CARD10: variants seen among roughly 807,000 people sequenced by gnomAD.
The protein encoded by CARD10 is caspase recruitment domain family member 10, also known as caspase recruitment domain-containing protein 10.
In CARD10, 49 loss-of-function variants were observed where a neutral mutation model predicts 114.6. The observed-to-expected ratio is 0.43, with a 90% CI of 0.34 to 0.54. The LOEUF is 0.54. Among genes scored for constraint, CARD10 ranks in the 20% least tolerant of loss-of-function variants. CARD10 has a pLI of 0.03. For synonymous variants in CARD10, 602 were observed against 593.2 expected (o/e 1.01, Z -0.21); for missense variants, 1,206 against 1,397.2 (o/e 0.86, Z 2.18).
intron 11 of CARD10, among the ~76,000 whole-genome samples, chr22:37,499,547 C>T (rs1923137592): frequency 6.6e-6 from 1 of 152,004 alleles, no homozygotes; most frequent in Non-Finnish European, 1.5e-5. Flanking sequence ...CACCTCTCCC[C>T]TCTGCAATGC....
Position 37,501,891 on chromosome 22 carries a change from T to G in CARD10, c.1787+711A>C, listed in dbSNP as rs1489898111. On this transcript the variant is annotated intron_variant, in intron 11 of 19. Transcript: ENST00000251973. This position sits in a 1 kb window ranked among gnomAD's most constrained non-coding sequence, Gnocchi z 5.4. ...CTTTCCCAGCCTGACTCAGGAAGCC[T>G]TGACTTTCGCCCTTCCCCCTCGCTC... is the stretch of plus-strand genomic sequence containing the variant. Among the ~76,000 whole-genome samples, 1 of 152,150 alleles carries G rather than the reference T, an allele frequency of 6.6e-6. No homozygotes were observed. Among genetic ancestry groups the G allele is most frequent in the East Asian group, 1.9e-4 (1 of 5,198 alleles).
chr22:37,495,366 G>C (rs1051636367), intron 15 of CARD10, 151 bp downstream of exon 15: 13 of 649,734 alleles, frequency 2.0e-5, no homozygotes, highest in Admixed American at 2.0e-4. Context: ...CTGCTGTTCT[G>C]TTTGCTGGGC....
intron 15 of CARD10, among the ~76,000 whole-genome samples, chr22:37,495,173 A>G (rs111495874): frequency 2.0e-5 from 3 of 152,230 alleles, no homozygotes; most frequent in African/African-American, 4.8e-5. Flanking sequence ...TCACCGTGTT[A>G]GCCAGGATGG....
chr22:37,509,270 C>T, intron 4 of CARD10: 2 of 790,142 alleles, frequency 2.5e-6, no homozygotes, highest in Non-Finnish European at 3.8e-6. Flanking sequence ...TAAGCAAGCC[C>T]TAGGGCCCCC....
intron 4 of CARD10, chr22:37,508,973 A>C: frequency 6.5e-7 from 1 of 1,546,232 alleles, no homozygotes; most frequent in Non-Finnish European, 8.7e-7. Flanking sequence ...CTAAACAAGC[A>C]CCAGGCACAC....
rs1442372017 is a variant in CARD10 at position 37,518,016 on chromosome 22, G to T, written c.328C>A (p.Leu110Met). The change falls in exon 2 of 20, where the codon CTG becomes ATG. Residue 110 changes from leucine (L) to methionine (M), a missense_variant. Physicochemically the swap from Leu to Met is conservative, Grantham distance 15 (BLOSUM62 2). Transcript: ENST00000251973. ...LEFYYPEHFT[L>M]LTGQEPAQRC... ...TGGGCGGGTTCCTGGCCCGTGAGCA[G>T]CGTGAAGTGTTCGGGGTAGTAGAAC... is the stretch of plus-strand genomic sequence containing the variant. The T allele has an allele frequency of 6.2e-7, 1 of 1,613,974 alleles. No homozygotes were observed. Among genetic ancestry groups the T allele is most frequent in the Non-Finnish European group, 8.5e-7 (1 of 1,179,998 alleles).
intron 11 of CARD10, among the ~76,000 whole-genome samples, chr22:37,499,138 T>C (rs991765079): frequency 2.0e-5 from 3 of 152,118 alleles, no homozygotes; most frequent in Non-Finnish European, 4.4e-5. Flanking sequence ...TCCAGGCATG[T>C]GTACCGGGTT....
Position 37,492,884 on chromosome 22 carries a change from G to A in CARD10, c.2477-82C>T, listed in dbSNP as rs1367553970. 34 of 1,423,692 alleles carry A rather than the reference G, an allele frequency of 2.4e-5. No homozygotes were observed. The highest frequency in any genetic ancestry group is 7.0e-5 in the African/African-American group (5 of 70,958). The allele number at this position is 1,423,692 out of a possible 1,614,324, so 88.2% of individuals were successfully genotyped here. A position where few individuals can be genotyped will look rare whatever the true frequency, so the allele number is the denominator to read the frequency against. On this transcript the variant is annotated intron_variant, in intron 16 of 19. Coordinates refer to ENST00000251973, the MANE Select transcript of CARD10 (RefSeq NM_014550.4). This position sits in a 1 kb window ranked among gnomAD's most constrained non-coding sequence, Gnocchi z 5.7. Reference sequence around the variant, plus strand: ...TCGTCGATACCCCAAAACCCACCCCGCCACCCATCCCTTCCTAAGTCCTGC... The same window carrying A: ...TCGTCGATACCCCAAAACCCACCCCACCACCCATCCCTTCCTAAGTCCTGC...
chr22:37,519,262 C>G lies in CARD10; in HGVS notation c.-62G>C. ...GGGGGTCGACCAGGGCTCCCTAGGG[C>G]TAGATGTGCGGCCAAGCACCCCCGG... On this transcript the variant is annotated 5_prime_UTR_variant, in exon 1 of 20. Coordinates refer to ENST00000251973, the MANE Select transcript of CARD10 (RefSeq NM_014550.4). The surrounding 1 kb of genome is among the most constrained non-coding windows in gnomAD (Gnocchi z 4.1). 7.1e-7 allele frequency: 1 copy of G among 1,409,866 alleles called. No individual in the cohort carries two copies. Among genetic ancestry groups the G allele is most frequent in the Non-Finnish European group, 9.2e-7 (1 of 1,085,100 alleles). The allele number at this position is 1,409,866 out of a possible 1,614,324, so 87.3% of individuals were successfully genotyped here. A position where few individuals can be genotyped will look rare whatever the true frequency, so the allele number is the denominator to read the frequency against.
Position 37,496,427 on chromosome 22 carries a change from C to CCGA in CARD10, c.2059+19_2059+21dup. 1 of 1,574,520 alleles carries CCGA rather than the reference C, an allele frequency of 6.4e-7. No individual in the cohort carries two copies. Among genetic ancestry groups the CCGA allele is most frequent in the Non-Finnish European group, 8.7e-7 (1 of 1,145,822 alleles). On this transcript the variant is annotated intron_variant, in intron 13 of 19. Transcript: ENST00000251973. The surrounding 1 kb of genome is among the most constrained non-coding windows in gnomAD (Gnocchi z 4.1). Reference sequence around the variant, plus strand: ...GAGGACCCCTCTGGGGCCAACAGCTCCGACTCCCAAGCCAGACTTACCCTT... The same window carrying CCGA: ...GAGGACCCCTCTGGGGCCAACAGCTCCGACGACTCCCAAGCCAGACTTACCCTT...
rs1045199006 is a variant in CARD10, at chr22:37,519,285, C to A, written c.-85G>T. 1.3e-4 allele frequency: 181 copies of A among 1,363,744 alleles called. 1 individual carries two copies. The highest frequency in any genetic ancestry group is 1.5e-4 in the Non-Finnish European group (155 of 1,061,680). 84.5% of individuals were successfully genotyped at this position (1,363,744 alleles called of 1,614,324 possible). A position where few individuals can be genotyped will look rare whatever the true frequency, so the allele number is the denominator to read the frequency against. ...GGCTAGATGTGCGGCCAAGCACCCC[C>A]GGGGCGTCGTCCGCAGACCCGCCGT... is the stretch of plus-strand genomic sequence containing the variant. On this transcript the variant is annotated 5_prime_UTR_variant, in exon 1 of 20. Transcript: ENST00000251973. This position sits in a 1 kb window ranked among gnomAD's most constrained non-coding sequence, Gnocchi z 4.1.
At position 37,508,546 on chromosome 22, in the gene CARD10, GC is replaced by G; in HGVS notation, c.1045del (p.Ala349ProfsTer86). 1 of 1,596,594 alleles carries G rather than the reference GC, an allele frequency of 6.3e-7. No homozygotes were observed. On this transcript the variant is annotated frameshift_variant, in exon 5 of 20. Transcript: ENST00000251973. LOFTEE classifies it high-confidence loss of function. ...LHAVQGELQW[A>X]EELRDQYLQE... ...CCCCACCTGGTCGCGCAGCTCCTCG[GC>G]CCACTGCAGCTCCCCCTGCACGGCA...
chr22:37,514,781 T>C (rs1923779169), intron 3 of CARD10: 1 of 152,350 alleles, frequency 6.6e-6, no homozygotes, highest in African/African-American at 2.4e-5. Flanking sequence ...GAGAGCCTCC[T>C]GCGTGCCGTG....
intron 3 of CARD10, among the ~76,000 whole-genome samples, chr22:37,511,567 C>T (rs1470946803): frequency 2.1e-4 from 32 of 150,908 alleles, no homozygotes. Context: ...GGGTCAGACC[C>T]CAGCTCCGTC....
At position 37,519,247 on chromosome 22, in the gene CARD10, C is replaced by T; in HGVS notation, c.-47G>A. ...GGGCAAGAGGCGCACGGGGGTCGAC[C>T]AGGGCTCCCTAGGGCTAGATGTGCG... On this transcript the variant is annotated 5_prime_UTR_variant, in exon 1 of 20. Coordinates refer to ENST00000251973, the MANE Select transcript of CARD10 (RefSeq NM_014550.4). This position sits in a 1 kb window ranked among gnomAD's most constrained non-coding sequence, Gnocchi z 4.1. The T allele has an allele frequency of 6.8e-7, 1 of 1,463,826 alleles. No homozygotes were observed. The highest frequency in any genetic ancestry group is 1.4e-5 in the African/African-American group (1 of 69,582). 90.7% of individuals were successfully genotyped at this position (1,463,826 alleles called of 1,614,324 possible).
rs550531365 is a variant in CARD10, at chr22:37,516,232, C to T, written c.440G>A (p.Arg147His). The change falls in exon 3 of 20, where the codon CGC (arginine) becomes CAC (histidine). Residue 147 changes from arginine (R) to histidine (H), a missense_variant. This residue lies in a region of CARD10 where 138 missense variants were observed against 218.0 expected (regional missense o/e 0.63). Transcript: ENST00000251973. Reference sequence around the variant, plus strand: ...CTGCTCCCGCTGCAGCTGGCTCTTGCGAGCTTCCCGCAGCCGTCGCACCTC... The same window carrying T: ...CTGCTCCCGCTGCAGCTGGCTCTTGTGAGCTTCCCGCAGCCGTCGCACCTC... ...MTEVRRLREA[R>H]KSQLQREQQL... 2.9e-5 allele frequency: 46 copies of T among 1,604,434 alleles called. No homozygotes were observed. The highest frequency in any genetic ancestry group is 4.5e-5 in the East Asian group (2 of 44,682).
intron 11 of CARD10, among the ~76,000 whole-genome samples, chr22:37,499,765 CTTG>C (rs1923144967): frequency 6.6e-6 from 1 of 152,134 alleles, no homozygotes; most frequent in African/African-American, 2.4e-5. Flanking sequence ...CCCACAGGGG[CTTG>C]CCCAGAGCAG....
chr22:37,495,781 C>T lies in CARD10; in HGVS notation c.2282G>A (p.Gly761Asp). Reference protein sequence around the residue: ...DPLTLRDLDRGTVPNYQRAQQ... With the variant: ...DPLTLRDLDRDTVPNYQRAQQ... Reference sequence around the variant, plus strand: ...TCACCTCTGATAATTGGGCACGGTGCCCCGGTCCAGGTCCCGCAGAGTGAG... The same window carrying T: ...TCACCTCTGATAATTGGGCACGGTGTCCCGGTCCAGGTCCCGCAGAGTGAG... Residue 761 changes from glycine (G) to aspartate (D), a missense_variant, in exon 14 of 20, where the codon GGC (glycine) becomes GAC (aspartate). By Grantham distance (94) the Gly-to-Asp change is moderately conservative. This residue lies in a region of CARD10 where 1,068 missense variants were observed against 1,179.1 expected (regional missense o/e 0.91). Transcript: ENST00000251973. The T allele has an allele frequency of 2.5e-6, 4 of 1,613,936 alleles. No homozygotes were observed. Among genetic ancestry groups the T allele is most frequent in the Non-Finnish European group, 3.4e-6 (4 of 1,180,028 alleles).
chr22:37,515,258 G>C (rs1923797499), intron 3 of CARD10, among the ~76,000 whole-genome samples: 1 of 152,162 alleles, frequency 6.6e-6, no homozygotes, highest in Non-Finnish European at 1.5e-5. Flanking sequence ...GTACATGTTT[G>C]AAACTGTGTC....
Sources: gnomAD v4.1 joint callset for allele counts (sites outside exome capture counted in the v4.1 genomes callset) on GRCh38, gnomAD v4.1.1 for gene constraint, gnomAD v4.1.1 regional missense constraint, Gnocchi (gnomAD v3.1) non-coding constraint, MANE v1.5 for transcripts, NCBI Gene and HGNC (gene_info 2026-07-23, HGNC 2026-07-21) for gene names.